Variants in MCFD2 observed in about 807,000 individuals in gnomAD.
MCFD2 encodes multiple coagulation factor deficiency protein 2.
A neutral mutation model predicts 12.8 loss-of-function variants in MCFD2; 11 were observed. That is an observed-to-expected ratio of 0.86 (90% CI 0.54 to 1.42). The LOEUF (loss-of-function observed/expected upper bound fraction) is 1.42, where lower values mean the gene tolerates loss of function less well. MCFD2 is among the 40% of genes most tolerant of loss of function. The pLI, the probability that MCFD2 is intolerant of heterozygous loss-of-function variation, is 0.00. For synonymous variants in MCFD2, 70 were observed against 68.1 expected, an observed-to-expected ratio of 1.03 and a Z score of -0.14; for missense variants, 191 against 178.6, an observed-to-expected ratio of 1.07 and a Z score of -0.40.
intron 1 of MCFD2, among the ~76,000 whole-genome samples, chr2:46,932,572 G>C (rs1204026758): frequency 6.6e-6 from 1 of 152,000 alleles, no homozygotes; most frequent in Non-Finnish European, 1.5e-5. Context: ...AGAAGAAAAA[G>C]AGGAAGAAAA....
chr2:46,915,382 G>A (rs1558466673), intron 1 of MCFD2, among the ~76,000 whole-genome samples: 1 of 152,098 alleles, frequency 6.6e-6, no homozygotes, highest in African/African-American at 2.4e-5. Context: ...AGGAGCAGAG[G>A]GAGAGTAAGG....
At chr2:46,918,682 A>G (rs2103793433), upstream of MCFD2, among the ~76,000 whole-genome samples, 1 of 152,350 alleles carries the variant, frequency 6.6e-6, no homozygotes, top group Middle Eastern at 3.4e-3. Context: ...CCGTAGTGAA[A>G]CTGTCACTTG....
intron 1 of MCFD2, among the ~76,000 whole-genome samples, chr2:46,938,493 A>C (rs964164345): frequency 1.3e-5 from 2 of 152,124 alleles, no homozygotes; most frequent in Non-Finnish European, 2.9e-5. Context: ...TTAATAACTT[A>C]ATAGCAAGGG....
chr2:46,930,741 C>T (rs1669656066), intron 1 of MCFD2, among the ~76,000 whole-genome samples: 1 of 152,048 alleles, frequency 6.6e-6, no homozygotes, highest in Non-Finnish European at 1.5e-5. Context: ...CTCAGGTGAT[C>T]CACCCGCCTC....
Position 46,904,881 on chromosome 2 carries a change from GGCTAT to G in MCFD2, c.*577_*581del. The G allele has an allele frequency of 1.1e-5, 2 of 188,882 alleles. No individual in the cohort carries two copies. Among genetic ancestry groups the G allele is most frequent in the East Asian group, 1.4e-4 (1 of 7,294 alleles). The allele number at this position is 188,882 out of a possible 1,614,324, so 11.7% of individuals were successfully genotyped here. On this transcript the variant is annotated 3_prime_UTR_variant, in exon 4 of 4. Coordinates refer to ENST00000319466, the MANE Select transcript of MCFD2 (RefSeq NM_139279.6). ...GGCCAGGGGTAGAATGATATGGTTT[GGCTAT>G]GTCCCCACCCAAATCTCAACTTGAA...
chr2:46,905,293 TTCTC>T lies in MCFD2; in HGVS notation c.*166_*169del. ...GGGACTATTAGATGTCCCATTTCTCTTCTCTTTCATTTCTCTTATCTCTTCTCAC... is the reference window on the plus strand; with the variant it reads ...GGGACTATTAGATGTCCCATTTCTCTTTTCATTTCTCTTATCTCTTCTCAC... On this transcript the variant is annotated 3_prime_UTR_variant, in exon 4 of 4. Coordinates refer to ENST00000319466, the MANE Select transcript of MCFD2 (RefSeq NM_139279.6). 1 of 718,350 alleles carries T rather than the reference TTCTC, an allele frequency of 1.4e-6. No homozygotes were observed. The highest frequency in any genetic ancestry group is 2.5e-6 in the Non-Finnish European group (1 of 406,282). The allele number at this position is 718,350 out of a possible 1,614,324, so 44.5% of individuals were successfully genotyped here. A position where few individuals can be genotyped will look rare whatever the true frequency, so the allele number is the denominator to read the frequency against.
At chr2:46,932,323 A>G (rs1248882449) in intron 1 of MCFD2, among the ~76,000 whole-genome samples, 1 of 151,890 alleles carries the variant, frequency 6.6e-6, no homozygotes, top group African/African-American at 2.4e-5. Flanking sequence ...TAATTTTTGT[A>G]TTTTTAGTAG....
chr2:46,941,379 C>A lies in MCFD2; in HGVS notation c.-8+193G>T. On this transcript the variant is annotated intron_variant, in intron 1 of 2. Transcript: ENST00000409147. The surrounding 1 kb of genome is among the most constrained non-coding windows in gnomAD (Gnocchi z 4.2). ...GGAGCTGCTGGTGCTGCTGCTGCTGCTGCTGCCCACCCTCCGCCGCCCGGG... is the reference window on the plus strand; with the variant it reads ...GGAGCTGCTGGTGCTGCTGCTGCTGATGCTGCCCACCCTCCGCCGCCCGGG... 2.1e-6 allele frequency: 1 copy of A among 480,944 alleles called. No homozygotes were observed. Among genetic ancestry groups the A allele is most frequent in the Non-Finnish European group, 3.0e-6 (1 of 335,978 alleles). 29.8% of individuals were successfully genotyped at this position (480,944 alleles called of 1,614,324 possible).
chr2:46,921,949 C>CGTGG (rs1300257386), intron 1 of MCFD2, among the ~76,000 whole-genome samples: 1 of 152,154 alleles, frequency 6.6e-6, no homozygotes, highest in Non-Finnish European at 1.5e-5. Flanking sequence ...GTGCAGCTGA[C>CGTGG]CCACACTAGT....
intron 1 of MCFD2, among the ~76,000 whole-genome samples, chr2:46,935,286 G>A (rs1015459773): frequency 6.6e-6 from 1 of 152,118 alleles, no homozygotes. Context: ...TTCATCCTGA[G>A]CCCAGGAGTT....
Position 46,907,467 on chromosome 2 carries a change from C to T in MCFD2, c.309+343G>A. 1 of 354,234 alleles carries T rather than the reference C, an allele frequency of 2.8e-6. No homozygotes were observed. The highest frequency in any genetic ancestry group is 5.5e-6 in the Non-Finnish European group (1 of 182,468). The allele number at this position is 354,234 out of a possible 1,614,324, so 21.9% of individuals were successfully genotyped here. A position where few individuals can be genotyped will look rare whatever the true frequency, so the allele number is the denominator to read the frequency against. ...TGGCATGATTATGGCTCACTATAGC[C>T]TCGACATCCTGGACTCAAGCAATCC... is the stretch of plus-strand genomic sequence containing the variant. On this transcript the variant is annotated intron_variant, in intron 3 of 3. Coordinates refer to ENST00000319466, the MANE Select transcript of MCFD2 (RefSeq NM_139279.6). The surrounding 1 kb of genome is among the most constrained non-coding windows in gnomAD (Gnocchi z 4.1).
In MCFD2 at chr2:46,941,536, G is replaced by T; in HGVS notation, c.-8+36C>A. 1.9e-6 allele frequency: 3 copies of T among 1,552,382 alleles called. No homozygotes were observed. The highest frequency in any genetic ancestry group is 2.6e-6 in the Non-Finnish European group (3 of 1,148,264). ...CCGCACCTTCCATGACAGCGCCCGC[G>T]AGAAGATGGCTGCGAAGGGCGCGCA... On this transcript the variant is annotated intron_variant, in intron 1 of 2. Coordinates refer to the MCFD2 transcript ENST00000409147. This position sits in a 1 kb window ranked among gnomAD's most constrained non-coding sequence, Gnocchi z 4.2.
intron 1 of MCFD2, 83 bp downstream of exon 1, chr2:46,915,640 C>T: frequency 2.3e-6 from 1 of 434,524 alleles, no homozygotes; most frequent in Non-Finnish European, 3.1e-6. Context: ...CTACTCCTGC[C>T]TCTCATCTTG....
intron 3 of MCFD2, chr2:46,906,108 G>A: frequency 2.3e-6 from 1 of 434,122 alleles, no homozygotes; most frequent in Non-Finnish European, 4.7e-6. Context: ...TGCTCCAAGA[G>A]CAGGGTTAGT....
upstream of MCFD2, among the ~76,000 whole-genome samples, chr2:46,916,927 C>G (rs556299940): frequency 6.6e-6 from 1 of 151,968 alleles, no homozygotes; most frequent in Admixed American, 6.5e-5. Context: ...GCCACCACTC[C>G]CGGCAGGACG....
chr2:46,926,806 G>A (rs563255823), intron 1 of MCFD2, among the ~76,000 whole-genome samples: 1 of 152,308 alleles, frequency 6.6e-6, no homozygotes, highest in African/African-American at 2.4e-5. Flanking sequence ...GACCTCCACA[G>A]CTTGAGACAC....
chr2:46,902,541 A>ATAAAG lies in MCFD2; in HGVS notation c.*2917_*2921dup, dbSNP rs1245515285. 2.0e-5 allele frequency: 3 copies of ATAAAG among 152,688 alleles called. No individual in the cohort carries two copies. The highest frequency in any genetic ancestry group is 7.2e-5 in the African/African-American group (3 of 41,472). The allele number at this position is 152,688 out of a possible 1,614,324, so 9.5% of individuals were successfully genotyped here. A position where few individuals can be genotyped will look rare whatever the true frequency, so the allele number is the denominator to read the frequency against. On this transcript the variant is annotated 3_prime_UTR_variant, in exon 4 of 4. Coordinates refer to ENST00000319466, the MANE Select transcript of MCFD2 (RefSeq NM_139279.6). ...CCAGGTTGAAGAAGACAGAAAAGCA[A>ATAAAG]TAAAGTATAAGGATGTGGCAGTAGT... is the stretch of plus-strand genomic sequence containing the variant.
chr2:46,908,152 G>A lies in MCFD2; in HGVS notation c.150-183C>T. ...CAAGGCCTTGAGAGGAGCAGGAAAAGTCAAATAGACCATCTGTTATGCTGG... is the reference window on the plus strand; with the variant it reads ...CAAGGCCTTGAGAGGAGCAGGAAAAATCAAATAGACCATCTGTTATGCTGG... On this transcript the variant is annotated intron_variant, in intron 2 of 3. Coordinates refer to ENST00000319466, the MANE Select transcript of MCFD2 (RefSeq NM_139279.6). This position sits in a 1 kb window ranked among gnomAD's most constrained non-coding sequence, Gnocchi z 4.5. 3 of 673,854 alleles carry A rather than the reference G, an allele frequency of 4.5e-6. No individual in the cohort carries two copies. The highest frequency in any genetic ancestry group is 3.6e-5 in the African/African-American group (2 of 56,108). 41.7% of individuals were successfully genotyped at this position (673,854 alleles called of 1,614,324 possible). A position where few individuals can be genotyped will look rare whatever the true frequency, so the allele number is the denominator to read the frequency against.
chr2:46,915,806 G>GGGGGGGGGGGGGGGGGGCC, upstream of MCFD2: 4 of 512,580 alleles, frequency 7.8e-6, no homozygotes, highest in Non-Finnish European at 8.6e-6. Flanking sequence ...CCTCGGCTTC[G>GGGGGGGGGGGGGGGGGGCC]CCCCGCCCCC....
Sources: gnomAD v4.1 joint callset for allele counts (sites outside exome capture counted in the v4.1 genomes callset) on GRCh38, gnomAD v4.1.1 for gene constraint, Gnocchi (gnomAD v3.1) non-coding constraint, MANE v1.5 for transcripts, NCBI Gene and HGNC (gene_info 2026-07-23, HGNC 2026-07-21) for gene names.